ST18: variants seen among roughly 807,000 people sequenced by gnomAD.
ST18 encodes the protein ST18 C2H2C-type zinc finger transcription factor, also known as suppression of tumorigenicity 18 protein.
In ST18, 50 loss-of-function variants were observed where a neutral mutation model predicts 110.0. That is an observed-to-expected ratio of 0.45 (90% CI 0.36 to 0.58). The LOEUF is 0.58. ST18 is among the 20% of genes least tolerant of loss of function. ST18 has a pLI of 0.00. For synonymous variants in ST18, 461 were observed against 452.4 expected, an observed-to-expected ratio of 1.02 and a Z score of -0.24; for missense variants, 1,306 against 1,280.1, an observed-to-expected ratio of 1.02 and a Z score of -0.31.
intron 2 of ST18, among the ~76,000 whole-genome samples, chr8:52,329,520 C>T (rs1035326285): frequency 5.9e-5 from 9 of 152,008 alleles, no homozygotes; most frequent in African/African-American, 1.9e-4. Flanking sequence ...TTTGGGAGAC[C>T]GAGGCAGGTG....
At chr8:52,179,532 A>C (rs1262896021) in intron 9 of ST18, among the ~76,000 whole-genome samples, 1 of 152,148 alleles carries the variant, frequency 6.6e-6, no homozygotes, top group Non-Finnish European at 1.5e-5. Context: ...TTGCTTCTAT[A>C]CTTGATTGCT....
chr8:52,132,760 G>A (rs947098526), intron 21 of ST18, among the ~76,000 whole-genome samples: 1 of 152,128 alleles, frequency 6.6e-6, no homozygotes, highest in Non-Finnish European at 1.5e-5. Context: ...GGGGGAAAAT[G>A]CTGCCATATT....
intron 2 of ST18, among the ~76,000 whole-genome samples, chr8:52,230,293 T>C (rs183796264): frequency 4.6e-5 from 7 of 152,290 alleles, no homozygotes; most frequent in Admixed American, 2.6e-4. Context: ...AACAGGTGTC[T>C]ACTGTTATCA....
chr8:52,197,726 G>A (rs1051611424), intron 8 of ST18, among the ~76,000 whole-genome samples: 9 of 151,900 alleles, frequency 5.9e-5, no homozygotes, highest in African/African-American at 2.2e-4. Flanking sequence ...AGGGCAGGGA[G>A]GCCAAAAAGA....
intron 2 of ST18, among the ~76,000 whole-genome samples, chr8:52,400,936 T>C (rs1427469): frequency 0.63 from 95,310 of 151,986 alleles, 32,192 homozygotes; most frequent in Non-Finnish European, 0.74. Context: ...GTCATATGTT[T>C]TCATGATAGT....
chr8:52,234,607 A>C (rs1168338860), intron 2 of ST18, among the ~76,000 whole-genome samples: 1 of 152,152 alleles, frequency 6.6e-6, no homozygotes, highest in Admixed American at 6.6e-5. Context: ...CCAGAGGAAA[A>C]GAAGTCATTA....
At chr8:52,155,255 A>T (rs779351076) in intron 15 of ST18, among the ~76,000 whole-genome samples, 18 of 152,114 alleles carry the variant, frequency 1.2e-4, no homozygotes, top group Non-Finnish European at 2.4e-4. Flanking sequence ...AGACAAATTT[A>T]CCTTTAACCA....
At chr8:52,355,905 A>G (rs768519773) in intron 2 of ST18, among the ~76,000 whole-genome samples, 7 of 152,234 alleles carry the variant, frequency 4.6e-5, no homozygotes, top group Non-Finnish European at 8.8e-5. Flanking sequence ...TACAAGGGCT[A>G]GGGCAGCTTC....
intron 2 of ST18, among the ~76,000 whole-genome samples, chr8:52,327,283 G>A (rs1282621981): frequency 6.6e-6 from 1 of 152,208 alleles, no homozygotes; most frequent in Non-Finnish European, 1.5e-5. Context: ...GTTAGATGCA[G>A]TAAGGTATTT....
chr8:52,350,889 T>C (rs1220258264), intron 2 of ST18, among the ~76,000 whole-genome samples: 1 of 151,858 alleles, frequency 6.6e-6, no homozygotes, highest in African/African-American at 2.4e-5. Flanking sequence ...CCCAGCTAAT[T>C]TTTTGTATTT....
chr8:52,252,169 T>C (rs1000768415), intron 2 of ST18, among the ~76,000 whole-genome samples: 2 of 152,080 alleles, frequency 1.3e-5, no homozygotes, highest in African/African-American at 2.4e-5. Context: ...AAACATTCAT[T>C]AACATTGTGA....
intron 22 of ST18, 82 bp from the exon 23 acceptor site, chr8:52,126,222 A>G (rs995633035): frequency 2.9e-6 from 4 of 1,392,658 alleles, no homozygotes; most frequent in Non-Finnish European, 4.0e-6. Context: ...ACAACCTACT[A>G]TTTGTGTTTT....
chr8:52,398,012 TAA>T (rs1274098166), intron 2 of ST18, among the ~76,000 whole-genome samples: 1 of 152,200 alleles, frequency 6.6e-6, no homozygotes, highest in African/African-American at 2.4e-5. Flanking sequence ...AGGATTGCAT[TAA>T]ATCTGTAAAC....
intron 21 of ST18, 94 bp downstream of exon 21, chr8:52,132,963 A>T: frequency 7.1e-7 from 1 of 1,399,618 alleles, no homozygotes; most frequent in East Asian, 2.3e-5. Flanking sequence ...CCTTCCCTGA[A>T]ACTCAATCCG....
chr8:52,266,411 G>A (rs1186233112), intron 2 of ST18, among the ~76,000 whole-genome samples: 6 of 152,138 alleles, frequency 3.9e-5, no homozygotes, highest in Non-Finnish European at 5.9e-5. Flanking sequence ...AATAGAGAGA[G>A]GGTATGGTAA....
At chr8:52,301,336 A>G (rs572242324) in intron 2 of ST18, among the ~76,000 whole-genome samples, 1 of 152,116 alleles carries the variant, frequency 6.6e-6, no homozygotes, top group African/African-American at 2.4e-5. Context: ...TAGTCAAATT[A>G]AATCTAGCCA....
intron 2 of ST18, among the ~76,000 whole-genome samples, chr8:52,351,338 A>T (rs1820237268): frequency 6.6e-6 from 1 of 152,200 alleles, no homozygotes; most frequent in South Asian, 2.1e-4. Context: ...GAATCTGCAG[A>T]GTACACTGAC....
At chr8:52,235,050 C>T (rs556012596) in intron 2 of ST18, among the ~76,000 whole-genome samples, 75 of 152,080 alleles carry the variant, frequency 4.9e-4, no homozygotes, top group African/African-American at 1.7e-3. Context: ...CAAAATCTCA[C>T]AAATCACCAC....
At chr8:52,333,063 C>G (rs1025064155) in intron 2 of ST18, among the ~76,000 whole-genome samples, 16 of 152,036 alleles carry the variant, frequency 1.1e-4, no homozygotes, top group African/African-American at 1.4e-4. Flanking sequence ...CTGTCAGACT[C>G]TAGAGCCCAA....
Sources: gnomAD v4.1 joint callset for allele counts (sites outside exome capture counted in the v4.1 genomes callset) on GRCh38, gnomAD v4.1.1 for gene constraint, MANE v1.5 for transcripts, NCBI Gene and HGNC (gene_info 2026-07-23, HGNC 2026-07-21) for gene names.